RAB11FIP3: variants seen among roughly 807,000 people sequenced by gnomAD.
The protein encoded by RAB11FIP3 is rab11 family-interacting protein 3.
Under a neutral mutation model 77.8 loss-of-function variants are expected in RAB11FIP3, and 17 were observed. That is an observed-to-expected ratio of 0.22 (90% CI 0.15 to 0.33). The LOEUF is 0.33. RAB11FIP3 is among the 10% of genes least tolerant of loss of function. The pLI is 1.00. For missense variants in RAB11FIP3, 1,005 were observed against 1,011.2 expected (o/e 0.99, Z 0.08); for synonymous variants, 437 against 448.2 (o/e 0.98, Z 0.31).
intron 5 of RAB11FIP3, among the ~76,000 whole-genome samples, chr16:493,528 A>G (rs1024774586): frequency 2.1e-4 from 32 of 152,184 alleles, no homozygotes; most frequent in African/African-American, 7.5e-4. Flanking sequence ...TAGCTGTTGC[A>G]TTTTCCAGGT....
In RAB11FIP3 at chr16:444,750, C is replaced by G. The variant is rs530619295; in HGVS notation, c.715-16654C>G. On this transcript the variant is annotated intron_variant, in intron 1 of 13. Coordinates refer to ENST00000262305, the MANE Select transcript of RAB11FIP3 (RefSeq NM_014700.4). ...ATGTAATCCAAGCACTTTGGGAGACCCAGGCAGGCAGATCACTTGAGGTCA... is the reference window on the plus strand; with the variant it reads ...ATGTAATCCAAGCACTTTGGGAGACGCAGGCAGGCAGATCACTTGAGGTCA... Among the ~76,000 whole-genome samples the G allele has an allele frequency of 3.0e-3, 456 of 151,632 alleles. 2 individuals are homozygous for G. Among genetic ancestry groups the G allele is most frequent in the African/African-American group, 8.0e-3 (329 of 41,304 alleles).
Position 520,106 on chromosome 16 carries a change from C to T in RAB11FIP3, c.1861-16C>T. On this transcript the variant is annotated splice_polypyrimidine_tract_variant and intron_variant, in intron 11 of 13. Transcript: ENST00000262305. The stretch of plus-strand genomic sequence containing the variant: ...GGAGCCCAGGCCCCCCGGCTCACTG[C>T]ACGGTTGCCCTGCAGCTGATCGAGG... The T allele has an allele frequency of 2.6e-6, 4 of 1,544,538 alleles. No homozygotes were observed. The highest frequency in any genetic ancestry group is 1.2e-5 in the South Asian group (1 of 84,026).
At chr16:509,942 G>C (rs2032051659) in intron 8 of RAB11FIP3, among the ~76,000 whole-genome samples, 1 of 152,378 alleles carries the variant, frequency 6.6e-6, no homozygotes, top group African/African-American at 2.4e-5. Context: ...GTTCTCTGGT[G>C]TTCAGCTGCC....
At chr16:469,589 T>G (rs2055774524) in intron 2 of RAB11FIP3, among the ~76,000 whole-genome samples, 1 of 150,960 alleles carries the variant, frequency 6.6e-6, no homozygotes, top group Non-Finnish European at 1.5e-5. Flanking sequence ...GGGGTTTCAC[T>G]GTGTTGGCTG....
At chr16:467,524 G>A (rs1222097020) in intron 2 of RAB11FIP3, among the ~76,000 whole-genome samples, 11 of 131,074 alleles carry the variant, frequency 8.4e-5, no homozygotes, top group African/African-American at 3.0e-4. Context: ...AGGTGCGGGG[G>A]CGTCAGGGAG....
chr16:469,786 A>C (rs1160259422), intron 2 of RAB11FIP3, among the ~76,000 whole-genome samples: 2 of 152,112 alleles, frequency 1.3e-5, no homozygotes, highest in African/African-American at 4.8e-5. Flanking sequence ...CAGTCTTCCA[A>C]AGTGCTGGGA....
intron 9 of RAB11FIP3, 122 bp from the exon 10 acceptor site, chr16:518,821 C>G: frequency 1.1e-6 from 1 of 889,090 alleles, no homozygotes; most frequent in African/African-American, 1.6e-5. Context: ...TGGCCCTGGT[C>G]GTTTGGGGGC....
intron 1 of RAB11FIP3, among the ~76,000 whole-genome samples, chr16:434,028 A>C (rs1024508234): frequency 3.3e-5 from 5 of 152,094 alleles, no homozygotes; most frequent in African/African-American, 1.2e-4. Flanking sequence ...CCTTTGGATA[A>C]ATCTCAGTAG....
chr16:441,692 A>G (rs1369711019), intron 1 of RAB11FIP3, among the ~76,000 whole-genome samples: 7 of 152,162 alleles, frequency 4.6e-5, no homozygotes, highest in Non-Finnish European at 1.0e-4. Flanking sequence ...TTTCTTGGTC[A>G]TGCAGCAAAC....
intron 1 of RAB11FIP3, among the ~76,000 whole-genome samples, chr16:430,873 G>A (rs2055023989): frequency 6.6e-6 from 1 of 152,226 alleles, no homozygotes; most frequent in Non-Finnish European, 1.5e-5. Context: ...TAGAGATGAA[G>A]TATAGTATAG....
chr16:477,470 T>C (rs1044994766), intron 3 of RAB11FIP3, among the ~76,000 whole-genome samples: 5 of 152,186 alleles, frequency 3.3e-5, no homozygotes, highest in African/African-American at 1.2e-4. Context: ...TGCGCTGGGC[T>C]TCGCATCCTG....
At position 472,726 on chromosome 16, in the gene RAB11FIP3, T is replaced by C. The variant is rs139386797; in HGVS notation, c.903+1337T>C. Reference sequence around the variant, plus strand: ...AGGGCATTGTTGATTGTTTATATCCTATGTATGGTGCAGTGGCTGAAGAGT... The same window carrying C: ...AGGGCATTGTTGATTGTTTATATCCCATGTATGGTGCAGTGGCTGAAGAGT... On this transcript the variant is annotated intron_variant, in intron 3 of 13. Coordinates refer to ENST00000262305, the MANE Select transcript of RAB11FIP3 (RefSeq NM_014700.4). This position sits in a 1 kb window ranked among gnomAD's most constrained non-coding sequence, Gnocchi z 4.1. Among the ~76,000 whole-genome samples, 877 of 152,306 alleles carry C rather than the reference T, an allele frequency of 5.8e-3. 20 individuals are homozygous for C. The highest frequency in any genetic ancestry group is 0.034 in the Admixed American group (516 of 15,304).
intron 1 of RAB11FIP3, among the ~76,000 whole-genome samples, chr16:438,564 C>A (rs1181058591): frequency 6.7e-6 from 1 of 149,392 alleles, no homozygotes; most frequent in Admixed American, 6.7e-5. Flanking sequence ...CGCCACCACG[C>A]CTGGCTAATT....
intron 5 of RAB11FIP3, 94 bp downstream of exon 5, chr16:489,094 A>AC (rs2141768438): frequency 3.0e-5 from 41 of 1,381,342 alleles, no homozygotes; most frequent in Non-Finnish European, 3.4e-5. Context: ...TTGGTGAGAG[A>AC]ACTTGCTTTC....
chr16:466,713 C>T (rs1362950488), intron 2 of RAB11FIP3, among the ~76,000 whole-genome samples: 4 of 152,350 alleles, frequency 2.6e-5, no homozygotes, highest in Non-Finnish European at 4.4e-5. Context: ...GTTGCCCAGC[C>T]ACCTGACACG....
chr16:467,119 C>T (rs2055714020), intron 2 of RAB11FIP3, among the ~76,000 whole-genome samples: 1 of 152,158 alleles, frequency 6.6e-6, no homozygotes. Context: ...TAGTGGGAGA[C>T]AGACCACAAA....
At chr16:476,298 GAATT>G (rs1247005259) in intron 3 of RAB11FIP3, among the ~76,000 whole-genome samples, 4 of 152,204 alleles carry the variant, frequency 2.6e-5, no homozygotes, top group Non-Finnish European at 2.9e-5. Flanking sequence ...TGTCCGTGGA[GAATT>G]CTTTCCATCC....
chr16:446,977 G>A (rs1229178501), intron 1 of RAB11FIP3, among the ~76,000 whole-genome samples: 1 of 151,484 alleles, frequency 6.6e-6, no homozygotes, highest in Non-Finnish European at 1.5e-5. Context: ...GGGATTACAG[G>A]CGTGAGCCAC....
intron 1 of RAB11FIP3, among the ~76,000 whole-genome samples, chr16:442,870 C>A (rs1048787547): frequency 1.3e-5 from 2 of 152,172 alleles, no homozygotes; most frequent in African/African-American, 4.8e-5. Flanking sequence ...CTACCACTCT[C>A]ACCCCTTATT....
Sources: gnomAD v4.1 joint callset for allele counts (sites outside exome capture counted in the v4.1 genomes callset) on GRCh38, gnomAD v4.1.1 for gene constraint, Gnocchi (gnomAD v3.1) non-coding constraint, MANE v1.5 for transcripts, NCBI Gene and HGNC (gene_info 2026-07-23, HGNC 2026-07-21) for gene names.